HCRTR2: variants seen among roughly 807,000 people sequenced by gnomAD.
HCRTR2 encodes the protein hypocretin receptor 2, also known as orexin receptor type 2.
Under a neutral mutation model 49.0 loss-of-function variants are expected in HCRTR2, and 22 were observed. That is an observed-to-expected ratio of 0.45 (90% CI 0.32 to 0.64). The LOEUF (loss-of-function observed/expected upper bound fraction) is 0.64. HCRTR2 is among the 30% of genes least tolerant of loss of function. The pLI is 0.04. For missense variants in HCRTR2, 491 were observed against 559.4 expected, an observed-to-expected ratio of 0.88 and a Z score of 1.23; for synonymous variants, 236 against 205.3, an observed-to-expected ratio of 1.15 and a Z score of -1.28.
At chr6:55,143,122 A>ATTTTTTTTTTTTTTTTTTT in intron 1 of HCRTR2, among the ~76,000 whole-genome samples, 1 of 150,088 alleles carries the variant, frequency 6.7e-6, no homozygotes, top group Admixed American at 6.6e-5. Context: ...GACCATTCAA[A>ATTTTTTTTTTTTTTTTTTT]TATTTTTTAA....
chr6:55,193,316 T>C (rs1221916835), intron 1 of HCRTR2, among the ~76,000 whole-genome samples: 2 of 152,136 alleles, frequency 1.3e-5, no homozygotes, highest in African/African-American at 2.4e-5. Flanking sequence ...TAAAATCATA[T>C]ATATAACATT....
intron 1 of HCRTR2, among the ~76,000 whole-genome samples, chr6:55,202,617 A>G (rs969917864): frequency 6.6e-6 from 1 of 152,192 alleles, no homozygotes; most frequent in Non-Finnish European, 1.5e-5. Flanking sequence ...ATGTCCTCAC[A>G]TGATAGAAGG....
chr6:55,106,642 C>G (rs994462752), intron 1 of HCRTR2: 2 of 151,862 alleles, frequency 1.3e-5, no homozygotes, highest in Non-Finnish European at 2.9e-5. Flanking sequence ...AGAAATCGTC[C>G]TAAGGAATAT....
chr6:55,280,246 A>G (rs1238638406), intron 5 of HCRTR2, 77 bp from the exon 6 acceptor site: 6 of 968,974 alleles, frequency 6.2e-6, no homozygotes, highest in Non-Finnish European at 9.9e-6. Flanking sequence ...GAGTCAGACC[A>G]TCCTCTACCA....
At chr6:55,118,941 C>T (rs1207991342) in intron 1 of HCRTR2, among the ~76,000 whole-genome samples, 1 of 151,834 alleles carries the variant, frequency 6.6e-6, no homozygotes, top group Non-Finnish European at 1.5e-5. Flanking sequence ...TCCCCTATCC[C>T]CCAACCCCCT....
chr6:55,168,415 G>C (rs754961015), intron 1 of HCRTR2, among the ~76,000 whole-genome samples: 2 of 152,154 alleles, frequency 1.3e-5, no homozygotes, highest in Non-Finnish European at 2.9e-5. Context: ...GTTCTCTACT[G>C]TGGAAACAGA....
At chr6:55,222,747 G>A (rs1225344517) in intron 1 of HCRTR2, among the ~76,000 whole-genome samples, 1 of 152,170 alleles carries the variant, frequency 6.6e-6, no homozygotes, top group African/African-American at 2.4e-5. Flanking sequence ...CATAGAAGCA[G>A]GAAGCAGAAC....
intron 1 of HCRTR2, among the ~76,000 whole-genome samples, chr6:55,165,433 G>A (rs1170651517): frequency 6.6e-6 from 1 of 151,964 alleles, no homozygotes; most frequent in Non-Finnish European, 1.5e-5. Context: ...TGCAAAAAAT[G>A]AATTTGGATA....
At position 55,221,738 on chromosome 6, in the gene HCRTR2, C is replaced by G. The variant is rs567724026; in HGVS notation, c.224-26901C>G. ...TGAGGCAGGAGAATGGCGTGAACCT[C>G]AGAGGCAGAGCTTGCAGTGAGGTGA... On this transcript the variant is annotated intron_variant, in intron 1 of 6. Coordinates refer to ENST00000370862, the MANE Select transcript of HCRTR2 (RefSeq NM_001384272.1). 1.8e-4 allele frequency among the ~76,000 whole-genome samples: 27 copies of G among 150,704 alleles called. 1 individual carries two copies. The South Asian group carries it at 4.4e-3, about 25-fold the overall frequency.
chr6:55,229,887 T>C (rs186481450), intron 1 of HCRTR2, among the ~76,000 whole-genome samples: 126 of 152,330 alleles, frequency 8.3e-4, no homozygotes, highest in Middle Eastern at 3.4e-3. Context: ...GATGCCATGT[T>C]GAGTGCTCTT....
intron 4 of HCRTR2, among the ~76,000 whole-genome samples, chr6:55,264,447 C>T (rs1020382763): frequency 6.6e-6 from 1 of 152,066 alleles, no homozygotes; most frequent in Admixed American, 6.6e-5. Flanking sequence ...ATATCATGAA[C>T]TTTTCACATA....
intron 1 of HCRTR2, among the ~76,000 whole-genome samples, chr6:55,109,944 T>G (rs1764026902): frequency 6.6e-6 from 1 of 151,958 alleles, no homozygotes; most frequent in Non-Finnish European, 1.5e-5. Flanking sequence ...TCAAGAAGAA[T>G]GAAAGAATCT....
intron 1 of HCRTR2, among the ~76,000 whole-genome samples, chr6:55,138,140 T>C (rs1764456725): frequency 6.6e-6 from 1 of 152,204 alleles, no homozygotes. Context: ...AAATAAACCA[T>C]GTATTCAGTT....
intron 1 of HCRTR2, among the ~76,000 whole-genome samples, chr6:55,239,470 A>G (rs1176308066): frequency 1.3e-5 from 2 of 152,220 alleles, no homozygotes; most frequent in East Asian, 3.9e-4. Flanking sequence ...TCAGTGGTAT[A>G]GCATTCCTCT....
chr6:55,221,840 A>G (rs1211318347), intron 1 of HCRTR2, among the ~76,000 whole-genome samples: 2 of 151,950 alleles, frequency 1.3e-5, no homozygotes, highest in African/African-American at 4.8e-5. Context: ...AAGATCTGAA[A>G]CTATGAAACT....
rs138613082 is a variant in HCRTR2 at position 55,132,453 on chromosome 6, G to A, written c.-378+25908G>A. Among the ~76,000 whole-genome samples the A allele has an allele frequency of 3.4e-3, 511 of 151,984 alleles. 7 individuals are homozygous for A. The highest frequency in any genetic ancestry group is 0.012 in the African/African-American group (485 of 41,534). ...ATATGTGCCAGGGGCACAAGAAAAA[G>A]GAATATTGACACACTATGCATGCCA... On this transcript the variant is annotated intron_variant, in intron 1 of 7. Transcript: ENST00000615358.
At chr6:55,282,787 G>C (rs540438338), downstream of HCRTR2, among the ~76,000 whole-genome samples, 2 of 151,742 alleles carry the variant, frequency 1.3e-5, no homozygotes, top group South Asian at 4.2e-4. Context: ...ATTCAGATTG[G>C]TTCCTAAAAA....
downstream of HCRTR2, among the ~76,000 whole-genome samples, chr6:55,284,578 A>G (rs998891856): frequency 6.6e-6 from 1 of 152,160 alleles, no homozygotes; most frequent in Non-Finnish European, 1.5e-5. Context: ...TGTCTACAAC[A>G]GGGGCCACCA....
chr6:55,148,679 C>T (rs1167491796), intron 1 of HCRTR2, among the ~76,000 whole-genome samples: 1 of 152,100 alleles, frequency 6.6e-6, no homozygotes, highest in African/African-American at 2.4e-5. Context: ...CTAGAAAATA[C>T]TGTATCTCTG....
Sources: allele counts gnomAD v4.1 joint callset (sites outside exome capture counted in the v4.1 genomes callset), GRCh38; gene constraint gnomAD v4.1.1; transcripts MANE v1.5; gene names NCBI Gene and HGNC (gene_info 2026-07-23, HGNC 2026-07-21).